ADCYAP1R1: variants seen among roughly 807,000 people sequenced by gnomAD.
The protein encoded by ADCYAP1R1 is pituitary adenylate cyclase-activating polypeptide type I receptor.
A neutral mutation model predicts 67.6 loss-of-function variants in ADCYAP1R1; 44 were observed. The observed-to-expected ratio is 0.65, with a 90% CI of 0.51 to 0.84. The LOEUF (loss-of-function observed/expected upper bound fraction) is 0.84, where lower values mean the gene tolerates loss of function less well. Ranked by LOEUF, ADCYAP1R1 falls within the 40% of genes least tolerant of loss-of-function variation. The probability of loss-of-function intolerance (pLI) is 0.00; values close to 1 mark genes in which losing one functional copy is unlikely to be tolerated. For synonymous variants in ADCYAP1R1, 222 were observed against 219.6 expected (o/e 1.01, Z -0.10); for missense variants, 477 against 587.9 (o/e 0.81, Z 1.95).
chr7:31,059,924 T>C (rs1450618833), intron 1 of ADCYAP1R1, among the ~76,000 whole-genome samples: 1 of 150,412 alleles, frequency 6.6e-6, no homozygotes, highest in Non-Finnish European at 1.5e-5. Context: ...CTGTGTCCAG[T>C]TGGGCAGGGG....
intron 3 of ADCYAP1R1, among the ~76,000 whole-genome samples, chr7:31,068,413 G>A (rs1794839983): frequency 6.6e-6 from 1 of 152,146 alleles, no homozygotes; most frequent in Non-Finnish European, 1.5e-5. Flanking sequence ...TGGAGTCCGT[G>A]CCTTCACCCC....
chr7:31,082,208 G>A (rs993218789), intron 6 of ADCYAP1R1, among the ~76,000 whole-genome samples: 1 of 152,196 alleles, frequency 6.6e-6, no homozygotes, highest in South Asian at 2.1e-4. Flanking sequence ...GGGCTGATCC[G>A]GGACGGGCAC....
intron 12 of ADCYAP1R1, among the ~76,000 whole-genome samples, 181 bp downstream of exon 12, chr7:31,087,877 A>G (rs1490284182): frequency 2.6e-5 from 4 of 152,232 alleles, no homozygotes; most frequent in Non-Finnish European, 5.9e-5. Context: ...GGAGATTTAT[A>G]TTGTCCCATT....
At chr7:31,070,765 T>A (rs1794938328) in intron 3 of ADCYAP1R1, among the ~76,000 whole-genome samples, 1 of 152,248 alleles carries the variant, frequency 6.6e-6, no homozygotes, top group African/African-American at 2.4e-5. Context: ...AGATCTTCTG[T>A]TAAAACACAG....
At chr7:31,083,793 C>G (rs1309600710) in intron 6 of ADCYAP1R1, among the ~76,000 whole-genome samples, 1 of 152,186 alleles carries the variant, frequency 6.6e-6, no homozygotes, top group African/African-American at 2.4e-5. Context: ...CATTTGTGAT[C>G]AGTCTCCTAG....
chr7:31,061,354 G>A (rs958458958), intron 1 of ADCYAP1R1, among the ~76,000 whole-genome samples: 1 of 152,222 alleles, frequency 6.6e-6, no homozygotes. Flanking sequence ...CCCCAGGGCT[G>A]GTAGAAGTGA....
At chr7:31,083,846 C>G (rs531280967) in intron 6 of ADCYAP1R1, among the ~76,000 whole-genome samples, 2 of 152,092 alleles carry the variant, frequency 1.3e-5, no homozygotes, top group African/African-American at 4.8e-5. Flanking sequence ...GATCCAGGGC[C>G]CAGGGGAGGA....
At chr7:31,055,411 A>C (rs1456108676) in intron 1 of ADCYAP1R1, among the ~76,000 whole-genome samples, 1 of 151,856 alleles carries the variant, frequency 6.6e-6, no homozygotes, top group Non-Finnish European at 1.5e-5. Context: ...TTTTTCTGTA[A>C]AGTGCCAGAT....
intron 11 of ADCYAP1R1, among the ~76,000 whole-genome samples, chr7:31,087,238 C>T (rs891924177): frequency 1.3e-4 from 20 of 152,198 alleles, no homozygotes; most frequent in African/African-American, 4.8e-4. Flanking sequence ...GAGCCCTTGT[C>T]TACTTCTGTA....
Position 31,086,943 on chromosome 7 carries a change from G to A in ADCYAP1R1, c.824G>A (p.Gly275Glu), listed in dbSNP as rs1347674535. 1 of 1,614,010 alleles carries A rather than the reference G, an allele frequency of 6.2e-7. No homozygotes were observed. The highest frequency in any genetic ancestry group is 8.5e-7 in the Non-Finnish European group (1 of 1,180,028). The change falls in exon 11 of 16, where the codon GGG (glycine) becomes GAG (glutamate). Residue 275 changes from glycine to glutamate, a missense_variant and splice_region_variant. By Grantham distance (98) the Gly-to-Glu change is moderately conservative (BLOSUM62 -2). Transcript: ENST00000304166. This position sits in a 1 kb window ranked among gnomAD's most constrained non-coding sequence, Gnocchi z 5.0. ...YFYWYTIIGW[G>E]TPTVCVTVWA... is the part of the protein sequence containing the mutation. ...GGACCTCTTTTTCTTGTTCTCCCAG[G>A]GACCCCAACTGTGTGTGTGACAGTG...
chr7:31,059,573 G>C (rs1285501171), intron 1 of ADCYAP1R1, among the ~76,000 whole-genome samples: 1 of 152,176 alleles, frequency 6.6e-6, no homozygotes, highest in Non-Finnish European at 1.5e-5. Flanking sequence ...GGTGGGGCTT[G>C]GCCTGTCCCT....
chr7:31,095,646 GT>G, intron 13 of ADCYAP1R1: 1 of 717,708 alleles, frequency 1.4e-6, no homozygotes, highest in Non-Finnish European at 2.6e-6. Context: ...CAGCTCTCCG[GT>G]TTTTTCCTCT....
rs566631582 is a variant in ADCYAP1R1, at chr7:31,072,048, C to T, written c.158-5943C>T. ...CCATCAATCTACTTGTTCATCCAGA[C>T]GCTGAAGCCAGAAACCTGGGAGACA... On this transcript the variant is annotated intron_variant, in intron 3 of 15. Coordinates refer to ENST00000304166, the MANE Select transcript of ADCYAP1R1 (RefSeq NM_001118.5). Among the ~76,000 whole-genome samples, 7 of 140,426 alleles carry T rather than the reference C, an allele frequency of 5.0e-5. No homozygotes were observed. The East Asian group carries it at 1.1e-3, about 23-fold the overall frequency. The allele number at this position is 140,426 out of a possible 152,430, so 92.1% of individuals were successfully genotyped here. A position where few individuals can be genotyped will look rare whatever the true frequency, so the allele number is the denominator to read the frequency against.
At chr7:31,057,256 C>T (rs1584470117) in intron 1 of ADCYAP1R1, among the ~76,000 whole-genome samples, 1 of 152,242 alleles carries the variant, frequency 6.6e-6, no homozygotes, top group South Asian at 2.1e-4. Flanking sequence ...CTTCCTCCCC[C>T]TCCTCTTACC....
intron 6 of ADCYAP1R1, 94 bp from the exon 7 acceptor site, chr7:31,084,047 C>T: frequency 2.8e-6 from 3 of 1,084,946 alleles, no homozygotes; most frequent in South Asian, 1.4e-5. Context: ...ATAGGGGTTT[C>T]CAGGAATTCC....
At chr7:31,055,199 C>A (rs148164788) in intron 1 of ADCYAP1R1, among the ~76,000 whole-genome samples, 224 of 152,276 alleles carry the variant, frequency 1.5e-3, no homozygotes, top group African/African-American at 5.1e-3. Flanking sequence ...ACCAGAAAGA[C>A]AAATGGACGT....
rs1234110700 is a variant in ADCYAP1R1, at chr7:31,110,778, G to A, written c.*4094G>A. ...TCTTTGGGCCTCGGCCTCCTAATCT[G>A]GGTAATGGGGAGGACTTCATTGGCA... On this transcript the variant is annotated 3_prime_UTR_variant, in exon 16 of 16. Transcript: ENST00000304166. 1.3e-5 allele frequency: 2 copies of A among 152,278 alleles called. No homozygotes were observed. Among genetic ancestry groups the A allele is most frequent in the Non-Finnish European group, 2.9e-5 (2 of 68,064 alleles). 9.4% of individuals were successfully genotyped at this position (152,278 alleles called of 1,614,324 possible). A position where few individuals can be genotyped will look rare whatever the true frequency, so the allele number is the denominator to read the frequency against.
chr7:31,081,098 A>G (rs1036449779), intron 5 of ADCYAP1R1, among the ~76,000 whole-genome samples: 5 of 152,208 alleles, frequency 3.3e-5, no homozygotes, highest in African/African-American at 1.2e-4. Flanking sequence ...GGAGGCTTCC[A>G]GGAAGAGGTG....
intron 12 of ADCYAP1R1, among the ~76,000 whole-genome samples, chr7:31,088,812 T>C (rs1194055575): frequency 6.6e-6 from 1 of 152,196 alleles, no homozygotes; most frequent in Non-Finnish European, 1.5e-5. Flanking sequence ...CATTATTCTT[T>C]TGTTTTCTTC....
Sources: allele counts gnomAD v4.1 joint callset (sites outside exome capture counted in the v4.1 genomes callset), GRCh38; gene constraint gnomAD v4.1.1; non-coding constraint Gnocchi (gnomAD v3.1); transcripts MANE v1.5; gene names NCBI Gene and HGNC (gene_info 2026-07-23, HGNC 2026-07-21).